The following PTPRD variants were observed in gnomAD, a reference collection of about 807,000 sequenced individuals.
PTPRD encodes protein tyrosine phosphatase receptor type D.
In PTPRD, 34 loss-of-function variants were observed where a neutral mutation model predicts 214.5. The observed-to-expected ratio is 0.16, with a 90% confidence interval of 0.12 to 0.21. The LOEUF (loss-of-function observed/expected upper bound fraction) is 0.21, where lower values mean the gene tolerates loss of function less well. Among genes scored for constraint, PTPRD ranks in the 10% least tolerant of loss-of-function variants. The pLI, the probability that PTPRD is intolerant of heterozygous loss-of-function variation, is 1.00. For missense variants in PTPRD, 2,545 were observed against 2,398.7 expected, an observed-to-expected ratio of 1.06 and a Z score of -1.27; for synonymous variants, 1,128 against 845.7, an observed-to-expected ratio of 1.33 and a Z score of -5.79.
intron 4 of PTPRD, among the ~76,000 whole-genome samples, chr9:9,948,898 G>C (rs1275695398): frequency 6.6e-6 from 1 of 151,992 alleles, no homozygotes; most frequent in Non-Finnish European, 1.5e-5. Context: ...CAAATTTTGA[G>C]CTATTTGAAA....
At chr9:10,443,584 T>C (rs749660594) in intron 2 of PTPRD, among the ~76,000 whole-genome samples, 3 of 151,740 alleles carry the variant, frequency 2.0e-5, no homozygotes, top group Non-Finnish European at 3.0e-5. Context: ...CATTTATACC[T>C]TAATGTTACA....
chr9:10,452,857 T>C (rs528047542), intron 2 of PTPRD, among the ~76,000 whole-genome samples: 1 of 151,876 alleles, frequency 6.6e-6, no homozygotes, highest in African/African-American at 2.4e-5. Flanking sequence ...TTTTTGCTTT[T>C]GTTTTCTCCG....
intron 2 of PTPRD, among the ~76,000 whole-genome samples, chr9:10,493,308 A>G (rs899699717): frequency 6.6e-6 from 1 of 152,174 alleles, no homozygotes; most frequent in East Asian, 1.9e-4. Flanking sequence ...CTAAGCAAAA[A>G]GAACAAAGCT....
rs546549379 is a variant in PTPRD at position 9,709,409 on chromosome 9, A to G, written c.-287+25124T>C. Among the ~76,000 whole-genome samples the G allele has an allele frequency of 3.9e-5, 6 of 152,146 alleles. No individual in the cohort carries two copies. In the East Asian group the frequency reaches 1.2e-3, roughly 29 times the overall value. On this transcript the variant is annotated intron_variant, in intron 7 of 45. Transcript: ENST00000381196. ...CACTCTTTTGCTGTGGTAAAGACAT[A>G]CATGTTATCAAATTTTACAGGTAGG... is the stretch of plus-strand genomic sequence containing the variant.
At chr9:9,918,586 A>G (rs1288986831) in intron 5 of PTPRD, among the ~76,000 whole-genome samples, 2 of 152,116 alleles carry the variant, frequency 1.3e-5, no homozygotes, top group Admixed American at 1.3e-4. Flanking sequence ...AAATACTTCA[A>G]GTAGCCAAAG....
chr9:9,182,841 C>G (rs1349688350), intron 10 of PTPRD, among the ~76,000 whole-genome samples: 1 of 151,864 alleles, frequency 6.6e-6, no homozygotes, highest in African/African-American at 2.4e-5. Flanking sequence ...AATCTGTTTT[C>G]TCACTTTATT....
At chr9:10,294,927 A>T (rs528107811) in intron 3 of PTPRD, among the ~76,000 whole-genome samples, 2 of 151,958 alleles carry the variant, frequency 1.3e-5, no homozygotes. Context: ...TTTGACATCC[A>T]TTTGTTTTCC....
chr9:9,955,526 GTTTTT>G (rs779657484), intron 4 of PTPRD, among the ~76,000 whole-genome samples: 5,457 of 134,046 alleles, frequency 0.041, 179 homozygotes, highest in African/African-American at 0.089. Context: ...GTTTTGTTTT[GTTTTT>G]TTTTTTTTTT....
intron 11 of PTPRD, among the ~76,000 whole-genome samples, chr9:8,799,312 G>A (rs574507655): frequency 3.3e-5 from 5 of 152,274 alleles, no homozygotes; most frequent in African/African-American, 1.2e-4. Context: ...TTTCAGTTTT[G>A]TTGTAGTTGG....
rs115448356 is a variant in PTPRD at position 10,557,122 on chromosome 9, A to C, written c.-600+55276T>G. Among the ~76,000 whole-genome samples, 292 of 152,228 alleles carry C rather than the reference A, an allele frequency of 1.9e-3. 1 individual carries two copies. The highest frequency in any genetic ancestry group is 6.9e-3 in the African/African-American group (287 of 41,578). On this transcript the variant is annotated intron_variant, in intron 2 of 45. Coordinates refer to ENST00000381196, the MANE Select transcript of PTPRD (RefSeq NM_002839.4). Reference sequence around the variant, plus strand: ...CATTACAAAGGACCATTTGATTAAAAGAAATGCAACCCAGTCAAATTAGTA... The same window carrying C: ...CATTACAAAGGACCATTTGATTAAACGAAATGCAACCCAGTCAAATTAGTA...
At chr9:9,588,641 AT>A (rs1306661949) in intron 7 of PTPRD, among the ~76,000 whole-genome samples, 6 of 151,970 alleles carry the variant, frequency 3.9e-5, no homozygotes, top group South Asian at 4.1e-4. Flanking sequence ...TGAAACTAAT[AT>A]TTTTTAATAT....
At chr9:8,744,353 T>C (rs903301530) in intron 11 of PTPRD, among the ~76,000 whole-genome samples, 1 of 152,186 alleles carries the variant, frequency 6.6e-6, no homozygotes, top group African/African-American at 2.4e-5. Context: ...CACACGCATG[T>C]ATACAGCAGC....
At position 9,622,503 on chromosome 9, in the gene PTPRD, A is replaced by G. The variant is rs542782243; in HGVS notation, c.-286-47722T>C. Among the ~76,000 whole-genome samples, 7 of 152,342 alleles carry G rather than the reference A, an allele frequency of 4.6e-5. No homozygotes were observed. The South Asian group carries it at 1.2e-3, about 27-fold the overall frequency. ...TTGCATCTCAGAAGAAAAAAGATTT[A>G]CTAAAATGTTTGTCCACAAAATCTC... is the stretch of plus-strand genomic sequence containing the variant. On this transcript the variant is annotated intron_variant, in intron 7 of 45. Coordinates refer to ENST00000381196, the MANE Select transcript of PTPRD (RefSeq NM_002839.4).
chr9:9,917,162 C>G (rs2081098378), intron 5 of PTPRD, among the ~76,000 whole-genome samples: 1 of 148,758 alleles, frequency 6.7e-6, no homozygotes, highest in South Asian at 2.1e-4. Context: ...AAAGAACAAA[C>G]TAAATCCAAA....
chr9:9,240,940 T>C (rs939094980), intron 9 of PTPRD, among the ~76,000 whole-genome samples: 8 of 152,140 alleles, frequency 5.3e-5, no homozygotes, highest in Non-Finnish European at 1.2e-4. Context: ...GGTCCAAACT[T>C]GTTTCTTTAA....
At chr9:10,474,091 A>G (rs1485303456) in intron 2 of PTPRD, among the ~76,000 whole-genome samples, 3 of 152,154 alleles carry the variant, frequency 2.0e-5, no homozygotes, top group African/African-American at 4.8e-5. Flanking sequence ...TGTGCAAAAT[A>G]ACCAGCTAGC....
intron 2 of PTPRD, among the ~76,000 whole-genome samples, chr9:10,429,772 T>C (rs1012495707): frequency 6.6e-6 from 1 of 151,786 alleles, no homozygotes; most frequent in Non-Finnish European, 1.5e-5. Context: ...TGATGATGAA[T>C]TAGTTAATGG....
intron 4 of PTPRD, among the ~76,000 whole-genome samples, chr9:9,989,026 A>AAAAAAAAAAT (rs2095818225): frequency 7.2e-6 from 1 of 138,602 alleles, no homozygotes; most frequent in African/African-American, 3.1e-5. Context: ...CAAAAAAAAA[A>AAAAAAAAAAT]AAAAAAAAAA....
chr9:9,002,803 G>A (rs2099429158), intron 11 of PTPRD, among the ~76,000 whole-genome samples: 1 of 152,008 alleles, frequency 6.6e-6, no homozygotes, highest in Non-Finnish European at 1.5e-5. Flanking sequence ...CTCTTTCCAG[G>A]AGATTGGAGC....
Sources: gnomAD v4.1 joint callset for allele counts (sites outside exome capture counted in the v4.1 genomes callset) on GRCh38, gnomAD v4.1.1 for gene constraint, MANE v1.5 for transcripts, NCBI Gene and HGNC (gene_info 2026-07-23, HGNC 2026-07-21) for gene names.